Variants in PACS1 observed in about 807,000 individuals in gnomAD.
PACS1 encodes PACS-1.
Under a neutral mutation model 115.0 loss-of-function variants are expected in PACS1, and 24 were observed. The ratio of observed to expected loss-of-function variants is 0.21; its 90% CI spans 0.15 to 0.29. The LOEUF is 0.29. Ranked by LOEUF, PACS1 falls within the 10% of genes least tolerant of loss-of-function variation. The probability of loss-of-function intolerance (pLI) is 1.00; values close to 1 mark genes in which losing one functional copy is unlikely to be tolerated. For synonymous variants in PACS1, 453 were observed against 504.5 expected (o/e 0.90, Z 1.37); for missense variants, 838 against 1,251.2 (o/e 0.67, Z 4.98).
At chr11:66,151,956 G>A (rs950885429) in intron 1 of PACS1, among the ~76,000 whole-genome samples, 2 of 152,156 alleles carry the variant, frequency 1.3e-5, no homozygotes, top group South Asian at 2.1e-4. Context: ...CTGGAGGCCG[G>A]GTGCAGTGGC....
Position 66,239,215 on chromosome 11 carries a change from C to G in PACS1, c.2367C>G (p.Ser789Arg). The G allele has an allele frequency of 6.2e-7, 1 of 1,613,996 alleles. No individual in the cohort carries two copies. The highest frequency in any genetic ancestry group is 8.5e-7 in the Non-Finnish European group (1 of 1,180,008). ...CACCACCCTCCAGCTCGGGCCTGAG[C>G]CGAGACGCCACGGCCACCCCTCCCT... ...STSPPSSSGL[S>R]RDATATPPSS... is the part of the protein sequence containing the mutation. The change falls in exon 21 of 24, where the codon AGC becomes AGG. Residue 789 changes from serine (S) to arginine (R), a missense_variant. Transcript: ENST00000320580.
chr11:66,200,488 AAG>A (rs1320484247), intron 2 of PACS1, among the ~76,000 whole-genome samples: 2 of 152,200 alleles, frequency 1.3e-5, no homozygotes, highest in African/African-American at 4.8e-5. Flanking sequence ...CAAAAAAAAA[AAG>A]AGTAGGAATA....
Position 66,233,744 on chromosome 11 carries a change from G to T in PACS1, c.1839-41G>T. On this transcript the variant is annotated intron_variant, in intron 15 of 23. Coordinates refer to ENST00000320580, the MANE Select transcript of PACS1 (RefSeq NM_018026.4). This position sits in a 1 kb window ranked among gnomAD's most constrained non-coding sequence, Gnocchi z 4.5. ...TGGGCCTCCCCCGGGCAGGATCCTGGCACCCCTGAGCACTGCTATGACGCT... is the reference window on the plus strand; with the variant it reads ...TGGGCCTCCCCCGGGCAGGATCCTGTCACCCCTGAGCACTGCTATGACGCT... The T allele has an allele frequency of 6.4e-7, 1 of 1,562,582 alleles. No homozygotes were observed. Among genetic ancestry groups the T allele is most frequent in the Non-Finnish European group, 8.7e-7 (1 of 1,153,180 alleles).
chr11:66,177,668 T>C (rs1199860743), intron 1 of PACS1, among the ~76,000 whole-genome samples: 1 of 152,102 alleles, frequency 6.6e-6, no homozygotes, highest in Non-Finnish European at 1.5e-5. Flanking sequence ...CCAACTGTAA[T>C]GGTGCGATCA....
chr11:66,176,466 T>C (rs1029471128), intron 1 of PACS1, among the ~76,000 whole-genome samples: 3 of 150,288 alleles, frequency 2.0e-5, no homozygotes, highest in Non-Finnish European at 4.4e-5. Flanking sequence ...CAAGCTGGAG[T>C]GCAGTGGCGT....
chr11:66,132,622 A>G (rs1279751540), intron 1 of PACS1, among the ~76,000 whole-genome samples: 4 of 152,166 alleles, frequency 2.6e-5, no homozygotes, highest in African/African-American at 4.8e-5. Flanking sequence ...AAGTCTGTAC[A>G]TGTTCAGTAT....
At chr11:66,242,176 C>T (rs757447600) in intron 22 of PACS1, among the ~76,000 whole-genome samples, 1 of 152,228 alleles carries the variant, frequency 6.6e-6, no homozygotes. Flanking sequence ...GGCTCCTGTG[C>T]GTGGGAGTGA....
chr11:66,170,163 T>G (rs1407086571), intron 1 of PACS1, among the ~76,000 whole-genome samples: 1 of 150,640 alleles, frequency 6.6e-6, no homozygotes, highest in Non-Finnish European at 1.5e-5. Flanking sequence ...TGGAGTATGC[T>G]CCTTGAAAAA....
intron 1 of PACS1, among the ~76,000 whole-genome samples, chr11:66,192,290 C>T (rs535232399): frequency 6.6e-6 from 1 of 152,268 alleles, no homozygotes; most frequent in South Asian, 2.1e-4. Flanking sequence ...GCCTGCCCGC[C>T]GGAAGTTACA....
intron 1 of PACS1, among the ~76,000 whole-genome samples, chr11:66,119,766 G>T (rs1308620531): frequency 6.6e-6 from 1 of 152,204 alleles, no homozygotes. Context: ...GAACATGCTT[G>T]CCTGGAGAAC....
Position 66,242,907 on chromosome 11 carries a change from T to G in PACS1, c.2657-5T>G. On this transcript the variant is annotated splice_region_variant and splice_polypyrimidine_tract_variant and intron_variant, in intron 22 of 23. Transcript: ENST00000320580. ...GGGACACAGGTGGCCTTGCTTGCTT[T>G]CCAGTTCCCACCATCTTCCTGAGCA... 1 of 1,613,898 alleles carries G rather than the reference T, an allele frequency of 6.2e-7. No individual in the cohort carries two copies. Among genetic ancestry groups the G allele is most frequent in the Non-Finnish European group, 8.5e-7 (1 of 1,179,910 alleles).
In PACS1 at chr11:66,224,195, C is replaced by CAAAAAAA. The variant is rs71036281; in HGVS notation, c.1293+2963_1293+2969dup. On this transcript the variant is annotated intron_variant, in intron 10 of 23. Coordinates refer to ENST00000320580, the MANE Select transcript of PACS1 (RefSeq NM_018026.4). ...TGGGTAACAGAGCAAGACTCCATCT[C>CAAAAAAA]AAAAAAAAAAAAAAAAAAAAAGCCA... Among the ~76,000 whole-genome samples the CAAAAAAA allele has an allele frequency of 1.2e-4, 10 of 81,316 alleles. 3 individuals carry two copies. The highest frequency in any genetic ancestry group is 1.3e-4 in the Non-Finnish European group (6 of 44,940). The allele number at this position is 81,316 out of a possible 152,430, so 53.3% of individuals were successfully genotyped here. A position where few individuals can be genotyped will look rare whatever the true frequency, so the allele number is the denominator to read the frequency against.
intron 2 of PACS1, 33 bp downstream of exon 2, chr11:66,193,606 AG>A (rs1565141603): frequency 6.6e-7 from 1 of 1,515,858 alleles, no homozygotes; most frequent in East Asian, 2.3e-5. Flanking sequence ...TTCAGGGCCC[AG>A]GGAAGCTGGA....
intron 3 of PACS1, among the ~76,000 whole-genome samples, chr11:66,210,842 A>G (rs1855054862): frequency 6.6e-6 from 1 of 152,170 alleles, no homozygotes; most frequent in Admixed American, 6.5e-5. Flanking sequence ...CTCTCATCGT[A>G]ATTCCAGTAA....
intron 1 of PACS1, among the ~76,000 whole-genome samples, chr11:66,089,012 T>G (rs1404240943): frequency 6.6e-6 from 1 of 152,224 alleles, no homozygotes; most frequent in East Asian, 1.9e-4. Flanking sequence ...ATTGTAATTT[T>G]GTATGCTTTT....
At chr11:66,231,438 C>T (rs1309568205) in intron 13 of PACS1, among the ~76,000 whole-genome samples, 1 of 152,212 alleles carries the variant, frequency 6.6e-6, no homozygotes, top group African/African-American at 2.4e-5. Context: ...GAGAAGAAGT[C>T]AGAAGAACTG....
At chr11:66,204,121 G>A (rs1473749624) in intron 2 of PACS1, among the ~76,000 whole-genome samples, 1 of 152,024 alleles carries the variant, frequency 6.6e-6, no homozygotes, top group East Asian at 1.9e-4. Flanking sequence ...ACTTTGAGAG[G>A]CCAACAAGGG....
chr11:66,094,761 CA>C lies in PACS1; in HGVS notation c.356+23921del, dbSNP rs1227163326. On this transcript the variant is annotated intron_variant, in intron 1 of 23. Coordinates refer to ENST00000320580, the MANE Select transcript of PACS1 (RefSeq NM_018026.4). ...ACAACCAAAAAAGAGAATTTTAGAC[CA>C]ATATCCTTGATGAACATCGATGCAA... Among the ~76,000 whole-genome samples the C allele has an allele frequency of 7.8e-4, 118 of 152,214 alleles. 1 individual carries two copies. In the South Asian group the frequency reaches 0.024, roughly 31 times the overall value.
intron 1 of PACS1, among the ~76,000 whole-genome samples, chr11:66,109,072 A>G (rs1858124770): frequency 6.6e-6 from 1 of 152,214 alleles, no homozygotes; most frequent in Non-Finnish European, 1.5e-5. Flanking sequence ...TTCAGGTGCA[A>G]TATCTCACAC....
Sources: allele counts gnomAD v4.1 joint callset (sites outside exome capture counted in the v4.1 genomes callset), GRCh38; gene constraint gnomAD v4.1.1; non-coding constraint Gnocchi (gnomAD v3.1); transcripts MANE v1.5; gene names NCBI Gene and HGNC (gene_info 2026-07-23, HGNC 2026-07-21).